Variants in PAG1 observed in about 807,000 individuals in gnomAD.
PAG1 encodes phosphoprotein membrane anchor with glycosphingolipid microdomains 1, also known as phosphoprotein associated with glycosphingolipid-enriched microdomains 1.
In PAG1, 23 loss-of-function variants were observed where a neutral mutation model predicts 31.7. That is an observed-to-expected ratio of 0.73 (90% confidence interval 0.52 to 1.03). The LOEUF (loss-of-function observed/expected upper bound fraction) is 1.03. Among genes scored for constraint, PAG1 ranks in the 50% least tolerant of loss-of-function variants. The pLI, the probability that PAG1 is intolerant of heterozygous loss-of-function variation, is 0.00. For synonymous variants in PAG1, 214 were observed against 210.3 expected, an observed-to-expected ratio of 1.02 and a Z score of -0.15; for missense variants, 473 against 540.7, an observed-to-expected ratio of 0.87 and a Z score of 1.24.
intron 2 of PAG1, among the ~76,000 whole-genome samples, chr8:81,051,114 G>A (rs1051478196): frequency 1.3e-5 from 2 of 152,190 alleles, no homozygotes; most frequent in African/African-American, 4.8e-5. Flanking sequence ...TCTGTAAGCT[G>A]TCTCTGATAC....
intron 3 of PAG1, among the ~76,000 whole-genome samples, chr8:81,006,233 A>T (rs945751355): frequency 6.6e-6 from 1 of 152,196 alleles, no homozygotes; most frequent in African/African-American, 2.4e-5. Context: ...ATGAGCCACC[A>T]TGCCTGGCCA....
At chr8:81,005,770 A>G (rs1449565669) in intron 3 of PAG1, among the ~76,000 whole-genome samples, 2 of 152,106 alleles carry the variant, frequency 1.3e-5, no homozygotes, top group Non-Finnish European at 2.9e-5. Context: ...TGTCAGCCTC[A>G]TAGGCTTCAC....
In PAG1 at chr8:80,972,313, T is replaced by C. The variant is rs535120173; in HGVS notation, c.*4231A>G. 35 of 152,298 alleles carry C rather than the reference T, an allele frequency of 2.3e-4. No individual in the cohort carries two copies. In the East Asian group the frequency reaches 6.0e-3, roughly 26 times the overall value. 9.4% of individuals were successfully genotyped at this position (152,298 alleles called of 1,614,324 possible). A position where few individuals can be genotyped will look rare whatever the true frequency, so the allele number is the denominator to read the frequency against. ...GGCATCACAAGATTGCATGGACTCA[T>C]ATTAACTATTACAAGGGGCACTGGA... is the stretch of plus-strand genomic sequence containing the variant. On this transcript the variant is annotated 3_prime_UTR_variant, in exon 9 of 9. Transcript: ENST00000220597.
chr8:80,995,585 T>C (rs559145039), intron 3 of PAG1, among the ~76,000 whole-genome samples: 1 of 152,370 alleles, frequency 6.6e-6, no homozygotes, highest in South Asian at 2.1e-4. Flanking sequence ...GTCCAAAGCA[T>C]ACAACATTTT....
At chr8:81,002,538 T>C (rs918921098) in intron 3 of PAG1, among the ~76,000 whole-genome samples, 25 of 152,298 alleles carry the variant, frequency 1.6e-4, no homozygotes, top group African/African-American at 4.3e-4. Flanking sequence ...ACAGAGGAGT[T>C]TGTAACACCA....
At chr8:80,980,180 A>G (rs1807269239) in intron 8 of PAG1, among the ~76,000 whole-genome samples, 1 of 151,534 alleles carries the variant, frequency 6.6e-6, no homozygotes, top group South Asian at 2.1e-4. Context: ...TGCCCTCTCT[A>G]TTTTTCCTGA....
At chr8:81,059,808 T>A (rs1808888961) in intron 2 of PAG1, among the ~76,000 whole-genome samples, 1 of 151,992 alleles carries the variant, frequency 6.6e-6, no homozygotes, top group Non-Finnish European at 1.5e-5. Context: ...TTAAGGTCAG[T>A]AGTTCGAGAC....
intron 2 of PAG1, among the ~76,000 whole-genome samples, chr8:81,068,177 G>A (rs1209616240): frequency 2.0e-5 from 3 of 152,306 alleles, no homozygotes; most frequent in African/African-American, 4.8e-5. Flanking sequence ...GATTACAGGC[G>A]TGAGCACTGC....
rs182538359 is a variant in PAG1, at chr8:81,005,896, T to C, written c.-80-12589A>G. ...TTAAAGGGCTGAGGCCCAGATATAATAGAGTTGGAGAGGGGCCCAAGAATC... is the reference window on the plus strand; with the variant it reads ...TTAAAGGGCTGAGGCCCAGATATAACAGAGTTGGAGAGGGGCCCAAGAATC... On this transcript the variant is annotated intron_variant, in intron 3 of 8. Transcript: ENST00000220597. Among the ~76,000 whole-genome samples, 621 of 152,294 alleles carry C rather than the reference T, an allele frequency of 4.1e-3. 10 individuals carry two copies. Among genetic ancestry groups the C allele is most frequent in the Admixed American group, 0.027 (415 of 15,292 alleles).
chr8:81,080,266 G>A (rs927831756), intron 1 of PAG1, among the ~76,000 whole-genome samples: 12 of 152,056 alleles, frequency 7.9e-5, no homozygotes, highest in African/African-American at 2.9e-4. Context: ...CTTCGTAGAT[G>A]GACTAGTGAT....
chr8:80,980,706 C>T (rs995599616), intron 7 of PAG1, among the ~76,000 whole-genome samples: 2 of 152,084 alleles, frequency 1.3e-5, no homozygotes, highest in Non-Finnish European at 2.9e-5. Context: ...AGAGAAATTT[C>T]CTCTAATTTT....
chr8:81,061,993 T>G (rs1005159988), intron 2 of PAG1, among the ~76,000 whole-genome samples: 1 of 152,216 alleles, frequency 6.6e-6, no homozygotes, highest in African/African-American at 2.4e-5. Flanking sequence ...TCATTTTTGG[T>G]GTCTTTGAGG....
intron 3 of PAG1, among the ~76,000 whole-genome samples, chr8:81,017,669 A>G (rs1808094838): frequency 6.6e-6 from 1 of 152,196 alleles, no homozygotes; most frequent in African/African-American, 2.4e-5. Context: ...ACCCAATTAC[A>G]AAGAGCAGGA....
At chr8:81,055,363 GTAAATGAATGAAA>G (rs1330752134) in intron 2 of PAG1, among the ~76,000 whole-genome samples, 2 of 152,096 alleles carry the variant, frequency 1.3e-5, no homozygotes, top group Non-Finnish European at 2.9e-5. Context: ...ATTCAGTTTG[GTAAATGAATGAAA>G]TGAATGAATT....
intron 5 of PAG1, among the ~76,000 whole-genome samples, chr8:80,989,059 A>G (rs1563618802): frequency 6.6e-6 from 1 of 152,230 alleles, no homozygotes; most frequent in East Asian, 1.9e-4. Flanking sequence ...TGATGTAAAC[A>G]GCACACAAAC....
intron 2 of PAG1, among the ~76,000 whole-genome samples, chr8:81,061,795 C>T (rs1808921667): frequency 2.0e-5 from 3 of 152,144 alleles, no homozygotes; most frequent in Admixed American, 2.0e-4. Context: ...ATGGGGTTTC[C>T]TGAGCCATGG....
rs965834309 is a variant in PAG1, at chr8:80,973,653, T to C, written c.*2891A>G. The C allele has an allele frequency of 6.6e-6, 1 of 152,246 alleles. No homozygotes were observed. Among genetic ancestry groups the C allele is most frequent in the African/African-American group, 2.4e-5 (1 of 41,466 alleles). The allele number at this position is 152,246 out of a possible 1,614,324, so 9.4% of individuals were successfully genotyped here. On this transcript the variant is annotated 3_prime_UTR_variant, in exon 9 of 9. Transcript: ENST00000220597. ...AAATATACAAATTGTTTTTGATAAC[T>C]ACCTTTCATACATTTTATTTAAACT...
intron 2 of PAG1, among the ~76,000 whole-genome samples, chr8:81,035,128 A>G (rs1808442275): frequency 6.6e-6 from 1 of 152,178 alleles, no homozygotes; most frequent in Admixed American, 6.5e-5. Context: ...TGGTGAAGTC[A>G]GGAGGGTCGT....
chr8:81,044,744 T>C (rs1482461054), intron 2 of PAG1, among the ~76,000 whole-genome samples: 1 of 152,112 alleles, frequency 6.6e-6, no homozygotes, highest in Non-Finnish European at 1.5e-5. Context: ...ACCACCCTAC[T>C]GTCTTATCTG....
Sources: gnomAD v4.1 joint callset for allele counts (sites outside exome capture counted in the v4.1 genomes callset) on GRCh38, gnomAD v4.1.1 for gene constraint, MANE v1.5 for transcripts, NCBI Gene and HGNC (gene_info 2026-07-23, HGNC 2026-07-21) for gene names.